Variants in DAB1 observed in about 807,000 individuals in gnomAD.
DAB1 encodes the protein disabled homolog 1.
A neutral mutation model predicts 64.6 loss-of-function variants in DAB1; 15 were observed. The observed-to-expected ratio is 0.23, with a 90% confidence interval of 0.16 to 0.36. DAB1 has a LOEUF of 0.36. DAB1 is among the 10% of genes least tolerant of loss of function. The pLI is 1.00. For synonymous variants in DAB1, 235 were observed against 251.9 expected (o/e 0.93, Z 0.64); for missense variants, 596 against 706.7 (o/e 0.84, Z 1.78).
intron 2 of DAB1, among the ~76,000 whole-genome samples, chr1:57,224,785 G>C (rs1667134656): frequency 6.6e-6 from 1 of 152,142 alleles, no homozygotes; most frequent in Non-Finnish European, 1.5e-5. Context: ...AGTGACTCTT[G>C]GCAGGGCCCT....
chr1:57,186,409 T>C (rs977458964), intron 2 of DAB1, among the ~76,000 whole-genome samples: 4 of 152,178 alleles, frequency 2.6e-5, no homozygotes, highest in South Asian at 2.1e-4. Flanking sequence ...ATAAGGATTA[T>C]AGGGATATAA....
intron 7 of DAB1, among the ~76,000 whole-genome samples, chr1:57,622,838 C>T (rs1351451164): frequency 1.3e-5 from 2 of 152,180 alleles, no homozygotes; most frequent in Non-Finnish European, 2.9e-5. Context: ...ACTTCCTAGT[C>T]ATTTGTCTCC....
At chr1:57,690,413 G>A (rs1236897777) in intron 6 of DAB1, among the ~76,000 whole-genome samples, 1 of 152,074 alleles carries the variant, frequency 6.6e-6, no homozygotes, top group African/African-American at 2.4e-5. Context: ...GTTCTCATGA[G>A]GTCTGGTTGT....
intron 5 of DAB1, among the ~76,000 whole-genome samples, chr1:57,946,999 G>A (rs138416343): frequency 3.2e-4 from 48 of 152,244 alleles, no homozygotes; most frequent in African/African-American, 1.1e-3. Context: ...TCTATTAATA[G>A]TCATAGTCTT....
At chr1:57,240,009 C>T (rs1056295891) in intron 2 of DAB1, among the ~76,000 whole-genome samples, 1 of 152,320 alleles carries the variant, frequency 6.6e-6, no homozygotes, top group Admixed American at 6.5e-5. Flanking sequence ...AACTGTGATT[C>T]ATTTTAAAAT....
intron 3 of DAB1, among the ~76,000 whole-genome samples, chr1:58,423,779 C>G (rs976426118): frequency 4.6e-5 from 7 of 152,230 alleles, no homozygotes; most frequent in Admixed American, 4.6e-4. Context: ...CTGCAAGGCA[C>G]AGGGGAAATA....
rs1649545332 is a variant in DAB1, at chr1:57,054,511, T to C, written c.723+8373A>G. 2.3e-5 allele frequency among the ~76,000 whole-genome samples: 3 copies of C among 131,828 alleles called. No homozygotes were observed. The South Asian group carries it at 7.8e-4, about 34-fold the overall frequency. The allele number at this position is 131,828 out of a possible 152,430, so 86.5% of individuals were successfully genotyped here. A position where few individuals can be genotyped will look rare whatever the true frequency, so the allele number is the denominator to read the frequency against. Reference sequence around the variant, plus strand: ...TTTTTTTTTTGAGATGGGGTCTCGCTCTGTCACCCAGGCTGGAGTGCAGTG... The same window carrying C: ...TTTTTTTTTTGAGATGGGGTCTCGCCCTGTCACCCAGGCTGGAGTGCAGTG... On this transcript the variant is annotated intron_variant, in intron 9 of 14. Coordinates refer to ENST00000371236, the MANE Select transcript of DAB1 (RefSeq NM_001365792.1).
intron 3 of DAB1, among the ~76,000 whole-genome samples, chr1:58,457,723 C>T (rs1041248570): frequency 6.6e-6 from 1 of 152,148 alleles, no homozygotes; most frequent in Middle Eastern, 3.2e-3. Flanking sequence ...GGCTTCCTGT[C>T]CTCTGTGGCC....
chr1:57,027,039 T>G (rs1646810759), intron 9 of DAB1, among the ~76,000 whole-genome samples: 1 of 152,154 alleles, frequency 6.6e-6, no homozygotes, highest in Non-Finnish European at 1.5e-5. Context: ...TACCACTTAG[T>G]AGAAGGGATG....
At chr1:57,136,270 C>A (rs1379781697) in intron 4 of DAB1, among the ~76,000 whole-genome samples, 2 of 152,128 alleles carry the variant, frequency 1.3e-5, no homozygotes, top group Non-Finnish European at 2.9e-5. Flanking sequence ...TCACATTACC[C>A]ATTGATCTTC....
intron 4 of DAB1, among the ~76,000 whole-genome samples, chr1:58,211,747 CTG>C (rs1235146427): frequency 2.6e-5 from 4 of 152,122 alleles, no homozygotes; most frequent in African/African-American, 9.7e-5. Context: ...GGATAAAAAA[CTG>C]AGACAACGAG....
intron 5 of DAB1, among the ~76,000 whole-genome samples, chr1:57,972,349 G>C (rs1645818324): frequency 1.3e-5 from 2 of 152,128 alleles, no homozygotes; most frequent in Admixed American, 1.3e-4. Flanking sequence ...GGATCCTTCT[G>C]CCTCAGGCTC....
intron 7 of DAB1, among the ~76,000 whole-genome samples, chr1:57,481,083 C>T (rs1029650024): frequency 6.6e-6 from 1 of 152,094 alleles, no homozygotes; most frequent in East Asian, 1.9e-4. Flanking sequence ...CCAGGCACTA[C>T]CAAGATTAGT....
chr1:58,052,518 G>A (rs1348936632), intron 5 of DAB1, among the ~76,000 whole-genome samples: 4 of 152,166 alleles, frequency 2.6e-5, no homozygotes, highest in Non-Finnish European at 5.9e-5. Flanking sequence ...GGATTGACTT[G>A]GCAATGCAGG....
At chr1:57,662,264 C>T (rs1008347674) in intron 6 of DAB1, among the ~76,000 whole-genome samples, 1 of 152,120 alleles carries the variant, frequency 6.6e-6, no homozygotes, top group African/African-American at 2.4e-5. Flanking sequence ...GGCGCGATCT[C>T]GGCTCACCGC....
intron 5 of DAB1, among the ~76,000 whole-genome samples, chr1:58,122,459 T>G (rs1223005851): frequency 6.6e-6 from 1 of 152,182 alleles, no homozygotes; most frequent in African/African-American, 2.4e-5. Context: ...GCAGCTTTGT[T>G]ACATGGATCA....
intron 2 of DAB1, among the ~76,000 whole-genome samples, chr1:57,227,383 T>C (rs944461129): frequency 3.9e-5 from 6 of 152,018 alleles, no homozygotes; most frequent in African/African-American, 1.4e-4. Context: ...TATAGTCTAA[T>C]GAGAGAGAGA....
chr1:57,520,002 A>G (rs543822369), intron 7 of DAB1, among the ~76,000 whole-genome samples: 65 of 152,320 alleles, frequency 4.3e-4, no homozygotes, highest in Admixed American at 1.4e-3. Context: ...GGAAAGGTCA[A>G]TTCTTAAAAA....
intron 6 of DAB1, among the ~76,000 whole-genome samples, chr1:57,787,329 T>C (rs1406177271): frequency 2.0e-5 from 3 of 152,026 alleles, no homozygotes; most frequent in African/African-American, 7.2e-5. Context: ...AATAGACAAA[T>C]ACATAAATGG....
Sources: allele counts gnomAD v4.1 joint callset (sites outside exome capture counted in the v4.1 genomes callset), GRCh38; gene constraint gnomAD v4.1.1; transcripts MANE v1.5; gene names NCBI Gene and HGNC (gene_info 2026-07-23, HGNC 2026-07-21).